Variants in NKAIN3 observed in about 807,000 individuals in gnomAD.
NKAIN3 encodes the protein sodium/potassium transporting ATPase interacting 3, also known as sodium/potassium-transporting ATPase subunit beta-1-interacting protein 3.
A neutral mutation model predicts 30.2 loss-of-function variants in NKAIN3; 25 were observed. That is an observed-to-expected ratio of 0.83 (90% confidence interval 0.60 to 1.16). The LOEUF is 1.16. Ranked by LOEUF, NKAIN3 falls within the 50% of genes most tolerant of loss-of-function variation. NKAIN3 has a pLI of 0.00. For synonymous variants in NKAIN3, 91 were observed against 89.6 expected, an observed-to-expected ratio of 1.02 and a Z score of -0.09; for missense variants, 225 against 254.1, an observed-to-expected ratio of 0.89 and a Z score of 0.78.
chr8:62,259,929 G>A (rs924700290), intron 1 of NKAIN3, among the ~76,000 whole-genome samples: 3 of 152,134 alleles, frequency 2.0e-5, no homozygotes, highest in African/African-American at 7.2e-5. Flanking sequence ...GGCTCTAATT[G>A]CAAGAATTAG....
intron 1 of NKAIN3, among the ~76,000 whole-genome samples, chr8:62,534,093 A>G (rs1424103367): frequency 6.6e-6 from 1 of 152,024 alleles, no homozygotes; most frequent in Non-Finnish European, 1.5e-5. Context: ...GTCTCTCTCT[A>G]TTGTCTGATG....
At chr8:62,352,247 T>TCAGCTCAGGCTTAGCCC (rs1427773346) in intron 1 of NKAIN3, among the ~76,000 whole-genome samples, 1 of 152,150 alleles carries the variant, frequency 6.6e-6, no homozygotes, top group African/African-American at 2.4e-5. Context: ...TTGCTGAGCT[T>TCAGCTCAGGCTTAGCCC]CAGCTCAGGC....
rs535679834 is a variant in NKAIN3 at position 62,380,522 on chromosome 8, C to A, written c.54+131395C>A. Among the ~76,000 whole-genome samples the A allele has an allele frequency of 9.9e-5, 15 of 152,254 alleles. No homozygotes were observed. In the South Asian group the frequency reaches 3.1e-3, roughly 32 times the overall value. On this transcript the variant is annotated intron_variant, in intron 1 of 6. Transcript: ENST00000623646. The stretch of plus-strand genomic sequence containing the variant: ...TAGTCTTAAGCAATCAAGGCCCTAA[C>A]CACCCCAGGTACTGAGCATATATGC...
intron 1 of NKAIN3, among the ~76,000 whole-genome samples, chr8:62,515,917 C>T (rs377272649): frequency 6.6e-6 from 1 of 151,968 alleles, no homozygotes; most frequent in Non-Finnish European, 1.5e-5. Context: ...TGTTTCCTGT[C>T]TTCTTGATTT....
Position 62,976,711 on chromosome 8 carries a change from T to C in NKAIN3, c.*11304T>C, listed in dbSNP as rs760875347. On this transcript the variant is annotated 3_prime_UTR_variant, in exon 7 of 7. Coordinates refer to ENST00000623646, the MANE Select transcript of NKAIN3 (RefSeq NM_001304533.3). ...AAGGTTAATATTGTTATGTGTGAAT[T>C]TGATTCTGTCATTATGATGATAGCT... 3.9e-5 allele frequency among the ~76,000 whole-genome samples: 6 copies of C among 152,238 alleles called. No individual in the cohort carries two copies. The highest frequency in any genetic ancestry group is 7.3e-5 in the Non-Finnish European group (5 of 68,036).
chr8:62,825,615 C>T (rs1328518628), intron 4 of NKAIN3, among the ~76,000 whole-genome samples: 1 of 152,132 alleles, frequency 6.6e-6, no homozygotes, highest in Admixed American at 6.6e-5. Flanking sequence ...GTCCCTAAAC[C>T]TGACTGACAA....
At chr8:62,998,961 A>T (rs1479415046) in intron 5 of NKAIN3, among the ~76,000 whole-genome samples, 1 of 152,152 alleles carries the variant, frequency 6.6e-6, no homozygotes, top group Non-Finnish European at 1.5e-5. Context: ...GCATTTCCCT[A>T]ATAATTAGTG....
intron 1 of NKAIN3, among the ~76,000 whole-genome samples, chr8:62,428,827 CT>C (rs1194319247): frequency 6.6e-6 from 1 of 151,650 alleles, no homozygotes; most frequent in African/African-American, 2.4e-5. Flanking sequence ...AGCTTTTTAG[CT>C]TGATGAAATC....
chr8:62,858,829 G>A (rs769840022), intron 4 of NKAIN3, among the ~76,000 whole-genome samples: 2 of 152,196 alleles, frequency 1.3e-5, no homozygotes, highest in Admixed American at 6.5e-5. Context: ...CAAGCCAGTG[G>A]GTCTTGTCTT....
intron 3 of NKAIN3, among the ~76,000 whole-genome samples, chr8:62,655,965 C>T (rs1425227211): frequency 6.6e-6 from 1 of 152,040 alleles, no homozygotes; most frequent in Admixed American, 6.6e-5. Context: ...ATAAAATTAG[C>T]CCCATTTTCT....
chr8:62,376,976 A>G (rs943530347), intron 1 of NKAIN3, among the ~76,000 whole-genome samples: 57 of 152,176 alleles, frequency 3.7e-4, no homozygotes, highest in Non-Finnish European at 1.2e-4. Flanking sequence ...AACCCTGTAG[A>G]AAGACCTACA....
chr8:62,795,542 TAG>T (rs1817832515), intron 4 of NKAIN3, among the ~76,000 whole-genome samples: 4 of 152,166 alleles, frequency 2.6e-5, no homozygotes, highest in Admixed American at 2.0e-4. Context: ...TTACTCGCTA[TAG>T]AACGTTCAGC....
intron 1 of NKAIN3, among the ~76,000 whole-genome samples, chr8:62,562,959 A>G (rs139786949): frequency 2.2e-4 from 34 of 152,122 alleles, no homozygotes; most frequent in African/African-American, 7.9e-4. Flanking sequence ...CTGGGTTGCC[A>G]TTTACGTAAA....
intron 1 of NKAIN3, among the ~76,000 whole-genome samples, chr8:62,402,999 G>A (rs572869270): frequency 3.9e-5 from 6 of 152,278 alleles, no homozygotes; most frequent in East Asian, 1.9e-4. Flanking sequence ...AGAGACTTGC[G>A]GAATGTTTGA....
chr8:62,827,571 A>G (rs1335475418), intron 4 of NKAIN3, among the ~76,000 whole-genome samples: 1 of 152,174 alleles, frequency 6.6e-6, no homozygotes, highest in African/African-American at 2.4e-5. Context: ...CATGGGCAAG[A>G]GGCAGATGAC....
At chr8:62,388,713 A>G (rs1431937752) in intron 1 of NKAIN3, among the ~76,000 whole-genome samples, 3 of 152,326 alleles carry the variant, frequency 2.0e-5, no homozygotes, top group Non-Finnish European at 4.4e-5. Flanking sequence ...GAGATTACAT[A>G]CCTTTCTAAT....
chr8:62,669,289 C>G (rs189099213), intron 3 of NKAIN3, among the ~76,000 whole-genome samples: 1 of 152,160 alleles, frequency 6.6e-6, no homozygotes, highest in Non-Finnish European at 1.5e-5. Context: ...GAAGGCTTTT[C>G]GTCCTCAATT....
At position 62,584,776 on chromosome 8, in the gene NKAIN3, A is replaced by G. The variant is rs73255088; in HGVS notation, c.193-4938A>G. 6.0e-3 allele frequency among the ~76,000 whole-genome samples: 918 copies of G among 152,314 alleles called. 8 individuals are homozygous for G. Among genetic ancestry groups the G allele is most frequent in the African/African-American group, 0.021 (874 of 41,562 alleles). On this transcript the variant is annotated intron_variant, in intron 2 of 6. Coordinates refer to ENST00000623646, the MANE Select transcript of NKAIN3 (RefSeq NM_001304533.3). ...TGCCTGACCACTGAATGCAAGGGAA[A>G]GTATCTCTTCCCTTCTGCTACTGTA...
At chr8:62,566,713 T>G (rs1364810963) in intron 1 of NKAIN3, among the ~76,000 whole-genome samples, 2 of 151,896 alleles carry the variant, frequency 1.3e-5, no homozygotes, top group African/African-American at 4.8e-5. Flanking sequence ...CAGCTCCAAC[T>G]TTTTTTTCAG....
Sources: gnomAD v4.1 joint callset for allele counts (sites outside exome capture counted in the v4.1 genomes callset) on GRCh38, gnomAD v4.1.1 for gene constraint, MANE v1.5 for transcripts, NCBI Gene and HGNC (gene_info 2026-07-23, HGNC 2026-07-21) for gene names.